The following ZNF217 variants were observed in gnomAD, a reference collection of about 807,000 sequenced individuals.
ZNF217 encodes zinc finger protein 217.
A neutral mutation model predicts 73.3 loss-of-function variants in ZNF217; 12 were observed. The ratio of observed to expected loss-of-function variants is 0.16; its 90% CI spans 0.10 to 0.27. ZNF217 has a LOEUF of 0.27. Among genes scored for constraint, ZNF217 ranks in the 10% least tolerant of loss-of-function variants. The pLI is 1.00. For missense variants in ZNF217, 1,195 were observed against 1,327.8 expected, an observed-to-expected ratio of 0.90 and a Z score of 1.55; for synonymous variants, 588 against 516.4, an observed-to-expected ratio of 1.14 and a Z score of -1.88.
chr20:53,588,961 CAAAA>C (rs1488339469), intron 1 of ZNF217, among the ~76,000 whole-genome samples: 1 of 152,134 alleles, frequency 6.6e-6, no homozygotes, highest in African/African-American at 2.4e-5. Context: ...ACAAAAGAAA[CAAAA>C]ACACTTCAGT....
rs550114976 is a variant in ZNF217 at position 53,571,725 on chromosome 20, T to C, written c.*19A>G. The C allele has an allele frequency of 5.4e-5, 87 of 1,607,796 alleles. No homozygotes were observed. Among genetic ancestry groups the C allele is most frequent in the Non-Finnish European group, 7.3e-5 (86 of 1,178,326 alleles). ...TTAATTGAAACATATGCTCACCTTT[T>C]TTCCCCCTAATTAGTGAATCAAGTT... On this transcript the variant is annotated 3_prime_UTR_variant, in exon 5 of 6. Coordinates refer to ENST00000371471, the MANE Select transcript of ZNF217 (RefSeq NM_006526.3).
chr20:53,596,231 C>T (rs1391248366), upstream of ZNF217, among the ~76,000 whole-genome samples: 5 of 136,578 alleles, frequency 3.7e-5, no homozygotes, highest in East Asian at 4.0e-4. Context: ...ACTGTTTCGC[C>T]GCCTCTCTCA....
At chr20:53,583,911 C>T (rs6097491) in intron 1 of ZNF217, among the ~76,000 whole-genome samples, 1,906 of 152,332 alleles carry the variant, frequency 0.013, 47 homozygotes, top group African/African-American at 0.044. Context: ...GCTTCCTAGT[C>T]CAAACAACAA....
intron 1 of ZNF217, among the ~76,000 whole-genome samples, chr20:53,588,606 A>C (rs202022773): frequency 0.098 from 10,443 of 106,316 alleles, 385 homozygotes; most frequent in South Asian, 0.14. Context: ...ATATATATAT[A>C]TATATATATA....
At chr20:53,593,868 G>C (rs1273711009), upstream of ZNF217, 1 of 150,530 alleles carries the variant, frequency 6.6e-6, no homozygotes, top group Non-Finnish European at 1.5e-5. Context: ...AGGGGAGGGG[G>C]CGGGGAGGGC....
At position 53,568,475 on chromosome 20, in the gene ZNF217, T is replaced by C. The variant is rs1384585030; in HGVS notation, c.*813A>G. ...ACGTGTGGCTGCTCTACAGAGAAAA[T>C]GCTTGTCTGTAGACACACTCTCTTA... On this transcript the variant is annotated 3_prime_UTR_variant, in exon 6 of 6. Coordinates refer to ENST00000371471, the MANE Select transcript of ZNF217 (RefSeq NM_006526.3). 1 of 152,036 alleles carries C rather than the reference T, an allele frequency of 6.6e-6. No homozygotes were observed. The highest frequency in any genetic ancestry group is 1.5e-5 in the Non-Finnish European group (1 of 68,024). The allele number at this position is 152,036 out of a possible 1,614,324, so 9.4% of individuals were successfully genotyped here. A position where few individuals can be genotyped will look rare whatever the true frequency, so the allele number is the denominator to read the frequency against.
chr20:53,583,348 T>C (rs1988579639), intron 1 of ZNF217, among the ~76,000 whole-genome samples, 180 bp from the exon 2 acceptor site: 1 of 152,232 alleles, frequency 6.6e-6, no homozygotes, highest in Non-Finnish European at 1.5e-5. Flanking sequence ...TGGCATTTTA[T>C]CCAGTCAGTA....
At chr20:53,586,243 G>A (rs540231913) in intron 1 of ZNF217, among the ~76,000 whole-genome samples, 111 of 152,210 alleles carry the variant, frequency 7.3e-4, no homozygotes, top group African/African-American at 2.5e-3. Context: ...TAAATGTCAC[G>A]GAATTAGCAC....
At chr20:53,585,233 A>G (rs1395929468) in intron 1 of ZNF217, among the ~76,000 whole-genome samples, 8 of 152,104 alleles carry the variant, frequency 5.3e-5, no homozygotes, top group Non-Finnish European at 1.2e-4. Flanking sequence ...CCTTTAGAAA[A>G]AGAGACACCA....
At chr20:53,589,589 A>G (rs1178973587) in intron 1 of ZNF217, among the ~76,000 whole-genome samples, 2 of 152,208 alleles carry the variant, frequency 1.3e-5, no homozygotes, top group African/African-American at 2.4e-5. Flanking sequence ...AGATTTTAGG[A>G]AAGAATGGTC....
intron 1 of ZNF217, among the ~76,000 whole-genome samples, chr20:53,593,476 A>AC (rs1317189513): frequency 6.7e-6 from 1 of 149,028 alleles, no homozygotes; most frequent in African/African-American, 2.5e-5. Context: ...GATTCAGGGA[A>AC]CCCCGCACCC....
At position 53,576,368 on chromosome 20, in the gene ZNF217, G is replaced by A. The variant is rs751374103; in HGVS notation, c.2396C>T (p.Pro799Leu). The A allele has an allele frequency of 1.2e-6, 2 of 1,614,098 alleles. No homozygotes were observed. The highest frequency in any genetic ancestry group is 1.7e-6 in the Non-Finnish European group (2 of 1,180,050). ...SAKGKQSPPGPGKAPLTSGID... is the reference protein window; with the variant it reads ...SAKGKQSPPGLGKAPLTSGID... ...CCCTGAAGTCAGAGGGGCCTTGCCTGGCCCAGGAGGGCTCTGCTTCCCCTT... is the reference window on the plus strand; with the variant it reads ...CCCTGAAGTCAGAGGGGCCTTGCCTAGCCCAGGAGGGCTCTGCTTCCCCTT... Residue 799 changes from proline to leucine, a missense_variant, in exon 4 of 6, where the codon CCA becomes CTA. Physicochemically the swap from Pro to Leu is moderately conservative, Grantham distance 98. Coordinates refer to ENST00000371471, the MANE Select transcript of ZNF217 (RefSeq NM_006526.3).
chr20:53,571,597 G>T lies in ZNF217; in HGVS notation c.*23+124C>A, dbSNP rs1988007623. 8 of 1,215,420 alleles carry T rather than the reference G, an allele frequency of 6.6e-6. No individual in the cohort carries two copies. In the South Asian group the frequency reaches 1.2e-4, roughly 18 times the overall value. 75.3% of individuals were successfully genotyped at this position (1,215,420 alleles called of 1,614,324 possible). On this transcript the variant is annotated intron_variant, in intron 5 of 5. Transcript: ENST00000371471. ...ATTTGTGTATTTTTAGTACAGACAG[G>T]GGTTTCACCATGTTGGCCAAGCTGG...
intron 2 of ZNF217, 149 bp from the exon 3 acceptor site, chr20:53,578,599 C>A: frequency 1.8e-6 from 1 of 556,114 alleles, no homozygotes; most frequent in Non-Finnish European, 3.2e-6. Context: ...AACGGCTAGA[C>A]ACACACCAAA....
At chr20:53,569,510 G>A (rs570925513) in intron 5 of ZNF217, among the ~76,000 whole-genome samples, 27 of 152,212 alleles carry the variant, frequency 1.8e-4, no homozygotes, top group African/African-American at 6.0e-4. Flanking sequence ...AGCCTTCCAA[G>A]TAGCTGGGAC....
chr20:53,594,607 G>C (rs1383158323), upstream of ZNF217, among the ~76,000 whole-genome samples: 1 of 151,492 alleles, frequency 6.6e-6, no homozygotes, highest in Non-Finnish European at 1.5e-5. Flanking sequence ...GGCGCGCGCC[G>C]CGGCGGTAGC....
chr20:53,582,604 T>C lies in ZNF217; in HGVS notation c.223A>G (p.Thr75Ala). The stretch of plus-strand genomic sequence containing the variant: ...TGTTTATTAAGGTCTTCTGAATGTG[T>C]GAAGGTCTGGCTGCAGAACATGCAA... ...LDCMFCSQTF[T>A]HSEDLNKHVL... Residue 75 changes from threonine to alanine, a missense_variant, in exon 2 of 6, where the codon ACA (threonine) becomes GCA (alanine). By Grantham distance (58) the Thr-to-Ala change is moderately conservative. This residue lies in a region of ZNF217 where 147 missense variants were observed against 184.3 expected (regional missense o/e 0.80). Coordinates refer to ENST00000371471, the MANE Select transcript of ZNF217 (RefSeq NM_006526.3). The surrounding 1 kb of genome is among the most constrained non-coding windows in gnomAD (Gnocchi z 4.8). 1 of 1,614,194 alleles carries C rather than the reference T, an allele frequency of 6.2e-7. No individual in the cohort carries two copies. The highest frequency in any genetic ancestry group is 8.5e-7 in the Non-Finnish European group (1 of 1,180,032).
At chr20:53,594,824 A>G (rs562915433), upstream of ZNF217, among the ~76,000 whole-genome samples, 4 of 152,308 alleles carry the variant, frequency 2.6e-5, no homozygotes, top group African/African-American at 4.8e-5. Flanking sequence ...TGTGCGCGAA[A>G]AACACCAAAG....
upstream of ZNF217, among the ~76,000 whole-genome samples, chr20:53,594,234 G>T (rs570809044): frequency 1.3e-5 from 2 of 151,904 alleles, no homozygotes; most frequent in South Asian, 4.1e-4. Context: ...GGCGCGGCGC[G>T]TCCGGCGCTG....
Sources: allele counts gnomAD v4.1 joint callset (sites outside exome capture counted in the v4.1 genomes callset), GRCh38; gene constraint gnomAD v4.1.1; regional missense constraint gnomAD v4.1.1; non-coding constraint Gnocchi (gnomAD v3.1); transcripts MANE v1.5; gene names NCBI Gene and HGNC (gene_info 2026-07-23, HGNC 2026-07-21).